The following CSF2RA variants were observed in gnomAD, a reference collection of about 807,000 sequenced individuals.
CSF2RA encodes granulocyte-macrophage colony-stimulating factor receptor subunit alpha.
CSF2RA carries 42 observed loss-of-function variants against 51.6 expected under a neutral mutation model. That is an observed-to-expected ratio of 0.81 (90% CI 0.64 to 1.05). CSF2RA has a LOEUF of 1.05. Ranked by LOEUF, CSF2RA falls within the 50% of genes least tolerant of loss-of-function variation. The probability of loss-of-function intolerance (pLI) is 0.00; values close to 1 mark genes in which losing one functional copy is unlikely to be tolerated. For missense variants in CSF2RA, 530 were observed against 501.1 expected, an observed-to-expected ratio of 1.06 and a Z score of -0.55; for synonymous variants, 222 against 193.0, an observed-to-expected ratio of 1.15 and a Z score of -1.24.
At chrX:1,314,232 C>CCTGCCCAACCACACAGCAT (rs2084317205), downstream of CSF2RA, among the ~76,000 whole-genome samples, 1 of 104,394 alleles carries the variant, frequency 9.6e-6, no homozygotes, top group African/African-American at 2.9e-5. Context: ...CCCCACTGCA[C>CCTGCCCAACCACACAGCAT]CTGCCCAACC....
At chrX:1,315,668 A>G in the CSF2RA span, among the ~76,000 whole-genome samples, 2 of 152,090 alleles carry the variant, frequency 1.3e-5, no homozygotes, top group Admixed American at 6.6e-5. Flanking sequence ...GCCTCCCAAA[A>G]TGCTGGGATT....
intron 1 of CSF2RA, among the ~76,000 whole-genome samples, chrX:1,270,494 C>G (rs1199062876): frequency 2.0e-5 from 3 of 152,056 alleles, no homozygotes; most frequent in African/African-American, 7.2e-5. Flanking sequence ...CTGCCCCAGC[C>G]TCCCAAAGTG....
At position 1,274,799 on chromosome X, in the gene CSF2RA, C is replaced by A; in HGVS notation, c.-46C>A. 2.2e-6 allele frequency: 1 copy of A among 453,316 alleles called. No individual in the cohort carries two copies. Among genetic ancestry groups the A allele is most frequent in the Non-Finnish European group, 4.4e-6 (1 of 226,692 alleles). 28.1% of individuals were successfully genotyped at this position (453,316 alleles called of 1,614,324 possible). On this transcript the variant is annotated 5_prime_UTR_variant, in exon 2 of 13. Transcript: ENST00000381529. Reference sequence around the variant, plus strand: ...TGGAGACAGCAGATCCGAGAAGCGGCGATGTTTGCGTAGAACCCTGTACGT... The same window carrying A: ...TGGAGACAGCAGATCCGAGAAGCGGAGATGTTTGCGTAGAACCCTGTACGT...
intron 3 of CSF2RA, among the ~76,000 whole-genome samples, chrX:1,283,188 TTCCTTCCC>T (rs2090255328): frequency 7.1e-6 from 1 of 140,586 alleles, no homozygotes; most frequent in African/African-American, 2.7e-5. Flanking sequence ...CCTTCCTTCC[TTCCTTCCC>T]TCCCTTGCTT....
chrX:1,274,996 T>C (rs1339447529), intron 2 of CSF2RA, among the ~76,000 whole-genome samples, 178 bp downstream of exon 2: 1 of 151,112 alleles, frequency 6.6e-6, no homozygotes, highest in Non-Finnish European at 1.5e-5. Flanking sequence ...ACATGTCACG[T>C]TCCCTCTGAG....
intron 2 of CSF2RA, among the ~76,000 whole-genome samples, chrX:1,280,209 T>C (rs2089715574): frequency 6.6e-6 from 1 of 152,102 alleles, no homozygotes; most frequent in Non-Finnish European, 1.5e-5. Context: ...CAGTGGTTCA[T>C]GCCTGTAATT....
chrX:1,296,383 T>G (rs1442975424), intron 9 of CSF2RA, among the ~76,000 whole-genome samples: 2 of 75,802 alleles, frequency 2.6e-5, no homozygotes, highest in East Asian at 7.8e-4. Flanking sequence ...ACCCGTACAG[T>G]CTCCTACCCA....
chrX:1,314,869 C>T (rs1443052559), downstream of CSF2RA, among the ~76,000 whole-genome samples: 3 of 81,342 alleles, frequency 3.7e-5, no homozygotes, highest in African/African-American at 1.2e-4. Context: ...CCTGCCCAAC[C>T]GCACTGCACC....
At chrX:1,311,108 G>A (rs2084160928), downstream of CSF2RA, among the ~76,000 whole-genome samples, 2 of 151,788 alleles carry the variant, frequency 1.3e-5, no homozygotes, top group East Asian at 2.0e-4. Flanking sequence ...AGTTAGCTGG[G>A]TGTGGTGGCG....
rs748597005 is a variant in CSF2RA, at chrX:1,295,402, G to C, written c.781-25G>C. 4 of 1,613,330 alleles carry C rather than the reference G, an allele frequency of 2.5e-6. No individual in the cohort carries two copies. In the African/African-American group the frequency reaches 5.3e-5, roughly 22 times the overall value. ...TTTAGAAATGGAAACAGTGAGCCTT[G>C]TGTTGTGTTTTGTTTTGTTTCTAGA... On this transcript the variant is annotated intron_variant, in intron 8 of 12. Transcript: ENST00000381529.
At chrX:1,300,677 G>A (rs1287368386) in intron 10 of CSF2RA, 51 bp downstream of exon 10, 7 of 1,613,342 alleles carry the variant, frequency 4.3e-6, no homozygotes, top group African/African-American at 1.3e-5. Flanking sequence ...CGGCCACCCT[G>A]CAGCAGGCAC....
intron 1 of CSF2RA, among the ~76,000 whole-genome samples, chrX:1,273,040 G>A (rs1276545722): frequency 4.0e-5 from 6 of 151,324 alleles, no homozygotes; most frequent in African/African-American, 9.7e-5. Flanking sequence ...GGCTGGTCTC[G>A]AACTCCTGAC....
chrX:1,323,392 C>T, the CSF2RA span, among the ~76,000 whole-genome samples: 8 of 152,024 alleles, frequency 5.3e-5, no homozygotes, highest in South Asian at 1.5e-3. Context: ...TATTAAACGT[C>T]CATAGTTACT....
chrX:1,323,066 T>C, the CSF2RA span, among the ~76,000 whole-genome samples: 2 of 150,674 alleles, frequency 1.3e-5, no homozygotes, highest in African/African-American at 2.4e-5. Context: ...GAGGTGGAGG[T>C]TGCAGTGAGC....
chrX:1,316,037 C>G, the CSF2RA span, among the ~76,000 whole-genome samples: 6 of 56,080 alleles, frequency 1.1e-4, no homozygotes, highest in African/African-American at 2.9e-4. Flanking sequence ...CATAGATAGA[C>G]CAATAGACAG....
At chrX:1,283,143 C>G (rs866190973) in intron 3 of CSF2RA, among the ~76,000 whole-genome samples, 3 of 91,606 alleles carry the variant, frequency 3.3e-5, no homozygotes, top group South Asian at 4.9e-4. Flanking sequence ...TCCTTCCTTC[C>G]TTCCTTCCTT....
At chrX:1,312,606 G>C (rs1183697563), downstream of CSF2RA, among the ~76,000 whole-genome samples, 1 of 152,068 alleles carries the variant, frequency 6.6e-6, no homozygotes, top group Non-Finnish European at 1.5e-5. Context: ...TGCCTCCCAC[G>C]ATCAGTGAGT....
chrX:1,269,379 G>A (rs2088032619), intron 1 of CSF2RA, among the ~76,000 whole-genome samples: 1 of 151,732 alleles, frequency 6.6e-6, no homozygotes, highest in South Asian at 2.1e-4. Flanking sequence ...CCAGCACTTT[G>A]GGAGACTGAG....
chrX:1,274,673 A>T (rs1461281067), intron 1 of CSF2RA, 82 bp from the exon 2 acceptor site: 18 of 447,478 alleles, frequency 4.0e-5, no homozygotes, highest in Non-Finnish European at 7.6e-5. Flanking sequence ...TACGAATAAA[A>T]TGCGAGGCAG....
Sources: gnomAD v4.1 joint callset for allele counts (sites outside exome capture counted in the v4.1 genomes callset) on GRCh38, gnomAD v4.1.1 for gene constraint, MANE v1.5 for transcripts, NCBI Gene and HGNC (gene_info 2026-07-23, HGNC 2026-07-21) for gene names.